ZNF469: variants seen among roughly 807,000 people sequenced by gnomAD.
ZNF469 encodes zinc finger protein 469.
Under a neutral mutation model 1.0 loss-of-function variants are expected in ZNF469, and 1 was observed. That is an observed-to-expected ratio of 1.00 (90% CI 0.35 to 4.73). The LOEUF is 4.73. Among genes scored for constraint, ZNF469 ranks in the 30% most tolerant of loss-of-function variants. The probability of loss-of-function intolerance (pLI) is 0.16; values close to 1 mark genes in which losing one functional copy is unlikely to be tolerated. For missense variants in ZNF469, 6,100 were observed against 5,356.3 expected (o/e 1.14, Z -4.33); for synonymous variants, 2,703 against 2,363.4 (o/e 1.14, Z -4.17).
chr16:88,253,016 C>T, the ZNF469 span, among the ~76,000 whole-genome samples: 2 of 152,180 alleles, frequency 1.3e-5, no homozygotes, highest in Admixed American at 6.5e-5. Context: ...TGAGATTACG[C>T]TGTTGTGTAT....
At chr16:88,309,362 A>T in the ZNF469 span, among the ~76,000 whole-genome samples, 369 of 151,722 alleles carry the variant, frequency 2.4e-3, 1 homozygote, top group African/African-American at 8.4e-3. Flanking sequence ...TGACGGGGGG[A>T]GTGCCCTCTG....
At position 88,428,296 on chromosome 16, in the gene ZNF469, C is replaced by G. The variant is rs1466131070; in HGVS notation, c.826C>G (p.Pro276Ala). Residue 276 changes from proline to alanine, a missense_variant, in exon 3 of 3, where the codon CCC (proline) becomes GCC (alanine). Transcript: ENST00000565624. Reference sequence around the variant, plus strand: ...CCCCAGGGGAGTTTCCTTCCAGTTCCCCTTCCCGGCACTGCATGGGGCCAG... The same window carrying G: ...CCCCAGGGGAGTTTCCTTCCAGTTCGCCTTCCCGGCACTGCATGGGGCCAG... ...GSPRGVSFQF[P>A]FPALHGASTK... 5.8e-6 allele frequency: 9 copies of G among 1,550,264 alleles called. No homozygotes were observed. In the East Asian group the frequency reaches 1.5e-4, roughly 25 times the overall value.
chr16:88,306,807 A>G, the ZNF469 span, among the ~76,000 whole-genome samples: 1 of 152,178 alleles, frequency 6.6e-6, no homozygotes, highest in Admixed American at 6.5e-5. Flanking sequence ...GATGGTAAGG[A>G]GTGGGGGAAA....
chr16:88,388,376 A>T (rs1292916465), intron 1 of ZNF469, among the ~76,000 whole-genome samples: 1 of 152,256 alleles, frequency 6.6e-6, no homozygotes, highest in South Asian at 2.1e-4. Context: ...GTCCACATTC[A>T]TGAGCAGCCA....
the ZNF469 span, among the ~76,000 whole-genome samples, chr16:88,372,312 C>T: frequency 7.2e-5 from 3 of 41,948 alleles, no homozygotes; most frequent in Non-Finnish European, 1.0e-4. Flanking sequence ...CCATGATTAC[C>T]ACCATCATCA....
chr16:88,407,978 C>T (rs952625340), intron 1 of ZNF469, among the ~76,000 whole-genome samples: 1 of 152,248 alleles, frequency 6.6e-6, no homozygotes, highest in African/African-American at 2.4e-5. Flanking sequence ...CACTCACTCC[C>T]CTTGCCCAGG....
At chr16:88,152,002 C>T in the ZNF469 span, among the ~76,000 whole-genome samples, 1 of 152,172 alleles carries the variant, frequency 6.6e-6, no homozygotes, top group African/African-American at 2.4e-5. The surrounding 1 kb of genome is among the most constrained non-coding windows in gnomAD (Gnocchi z 4.2). Flanking sequence ...GTAGATACTC[C>T]CTTCTTACAC....
At chr16:88,141,050 A>T in the ZNF469 span, among the ~76,000 whole-genome samples, 5 of 152,266 alleles carry the variant, frequency 3.3e-5, no homozygotes, top group African/African-American at 1.2e-4. Flanking sequence ...ATTCAGAGGC[A>T]TCGTTGGGCC....
At chr16:88,307,676 A>G in the ZNF469 span, among the ~76,000 whole-genome samples, 1 of 152,062 alleles carries the variant, frequency 6.6e-6, no homozygotes, top group Admixed American at 6.5e-5. Flanking sequence ...CCTTCACCCC[A>G]TTTTTAGTTG....
chr16:88,264,713 C>A, the ZNF469 span, among the ~76,000 whole-genome samples: 4 of 152,110 alleles, frequency 2.6e-5, no homozygotes, highest in South Asian at 8.3e-4. Flanking sequence ...AAGCTCAGCA[C>A]AGGTCCCCGC....
the ZNF469 span, among the ~76,000 whole-genome samples, chr16:88,350,262 C>G: frequency 6.6e-6 from 1 of 152,278 alleles, no homozygotes; most frequent in South Asian, 2.1e-4. Context: ...CCTCCTGTCC[C>G]AAGGGCCCTG....
the ZNF469 span, among the ~76,000 whole-genome samples, chr16:88,113,502 G>A: frequency 1.3e-5 from 2 of 152,228 alleles, no homozygotes; most frequent in Admixed American, 6.5e-5. Flanking sequence ...GCTGAGCAGG[G>A]ATCCAGCCCT....
rs1906189392 is a variant in ZNF469 at position 88,431,611 on chromosome 16, A to G, written c.4141A>G (p.Ser1381Gly). Residue 1381 changes from serine to glycine, a missense_variant, in exon 3 of 3, where the codon AGT (serine) becomes GGT (glycine). By Grantham distance (56) the Ser-to-Gly change is moderately conservative. Transcript: ENST00000565624. ...GCCTCAGCCCTACAGCAGCCCCCAC[A>G]GTGAGTTGTTCCTCGGACCCAAAGA... ...KGPQPYSSPHSELFLGPKDLA... is the reference protein window; with the variant it reads ...KGPQPYSSPHGELFLGPKDLA... 1.3e-6 allele frequency: 2 copies of G among 1,550,450 alleles called. No individual in the cohort carries two copies. The highest frequency in any genetic ancestry group is 8.7e-7 in the Non-Finnish European group (1 of 1,146,978).
chr16:88,305,050 G>T, the ZNF469 span, among the ~76,000 whole-genome samples: 1 of 152,142 alleles, frequency 6.6e-6, no homozygotes, highest in Non-Finnish European at 1.5e-5. Context: ...GCTGGAGACA[G>T]GGCAGCATCT....
At chr16:88,409,506 A>T (rs1423440667) in intron 1 of ZNF469, among the ~76,000 whole-genome samples, 2 of 152,170 alleles carry the variant, frequency 1.3e-5, no homozygotes, top group Non-Finnish European at 2.9e-5. Flanking sequence ...CCACGTGCTC[A>T]GGGCAGCAGC....
At chr16:88,227,480 C>G in the ZNF469 span, among the ~76,000 whole-genome samples, 1 of 151,686 alleles carries the variant, frequency 6.6e-6, no homozygotes, top group Non-Finnish European at 1.5e-5. Flanking sequence ...CCCCATCTCC[C>G]TGTCTCCCTG....
At chr16:88,162,804 G>A in the ZNF469 span, among the ~76,000 whole-genome samples, 1 of 152,120 alleles carries the variant, frequency 6.6e-6, no homozygotes, top group Non-Finnish European at 1.5e-5. Context: ...AGGTACAAGT[G>A]ATATCTTAAT....
chr16:88,288,358 C>T, the ZNF469 span, among the ~76,000 whole-genome samples: 3 of 152,140 alleles, frequency 2.0e-5, no homozygotes, highest in African/African-American at 4.8e-5. Flanking sequence ...CTGTCACTCA[C>T]GCTCCTTGAT....
the ZNF469 span, among the ~76,000 whole-genome samples, chr16:88,231,072 C>T: frequency 6.6e-6 from 1 of 152,210 alleles, no homozygotes; most frequent in African/African-American, 2.4e-5. This position sits in a 1 kb window ranked among gnomAD's most constrained non-coding sequence, Gnocchi z 4.5. Flanking sequence ...CCTCCCCCAA[C>T]ACACGCAAGC....
Sources: allele counts gnomAD v4.1 joint callset (sites outside exome capture counted in the v4.1 genomes callset), GRCh38; gene constraint gnomAD v4.1.1; non-coding constraint Gnocchi (gnomAD v3.1); transcripts MANE v1.5; gene names NCBI Gene and HGNC (gene_info 2026-07-23, HGNC 2026-07-21).